Variants in MAP4 observed in about 807,000 individuals in gnomAD.
MAP4 encodes the protein microtubule associated protein 4.
Under a neutral mutation model 170.2 loss-of-function variants are expected in MAP4, and 76 were observed. The ratio of observed to expected loss-of-function variants is 0.45; its 90% confidence interval spans 0.37 to 0.54. The LOEUF (loss-of-function observed/expected upper bound fraction) is 0.54. Among genes scored for constraint, MAP4 ranks in the 20% least tolerant of loss-of-function variants. The pLI is 0.00. For missense variants in MAP4, 2,506 were observed against 2,748.0 expected, an observed-to-expected ratio of 0.91 and a Z score of 1.97; for synonymous variants, 909 against 994.5, an observed-to-expected ratio of 0.91 and a Z score of 1.62.
At chr3:47,869,063 G>A (rs753465218) in intron 16 of MAP4, 151 bp downstream of exon 16, 8 of 638,888 alleles carry the variant, frequency 1.3e-5, no homozygotes, top group African/African-American at 3.7e-5. Flanking sequence ...TCTGATGGCC[G>A]AGTCATCAAG....
chr3:48,048,765 GT>G (rs904384514), intron 1 of MAP4, among the ~76,000 whole-genome samples: 24 of 151,912 alleles, frequency 1.6e-4, no homozygotes, highest in African/African-American at 5.8e-4. Context: ...ATACATAACT[GT>G]TAACTAGACT....
At position 47,998,729 on chromosome 3, in the gene MAP4, T is replaced by A. The variant is rs1030836848; in HGVS notation, c.132A>T (p.Lys44Asn). Reference sequence around the variant, plus strand: ...CATCCAGGAGAGGAATATAGTCTGTTTTTCCAACAGTTTCTCCCACAACAT... The same window carrying A: ...CATCCAGGAGAGGAATATAGTCTGTATTTCCAACAGTTTCTCCCACAACAT... The part of the protein sequence containing the change: ...FDDVVGETVG[K>N]TDYIPLLDVD... The change falls in exon 2 of 21, where the codon AAA (lysine) becomes AAT (asparagine). Residue 44 changes from lysine (K) to asparagine (N), a missense_variant. Transcript: ENST00000683076. 1.2e-6 allele frequency: 2 copies of A among 1,614,118 alleles called. No individual in the cohort carries two copies. Among genetic ancestry groups the A allele is most frequent in the African/African-American group, 2.7e-5 (2 of 75,018 alleles).
intron 18 of MAP4, 85 bp downstream of exon 18, chr3:47,857,346 C>T (rs2058218154): frequency 2.8e-6 from 3 of 1,084,890 alleles, no homozygotes; most frequent in Admixed American, 3.5e-5. Flanking sequence ...GAGATGAAAC[C>T]CTTGCCAGCC....
rs538497304 is a variant in MAP4, at chr3:47,861,666, A to AAAC, written c.6502-4157_6502-4155dup. Among the ~76,000 whole-genome samples the AAAC allele has an allele frequency of 3.4e-3, 515 of 151,406 alleles. 1 individual carries two copies. The highest frequency in any genetic ancestry group is 5.8e-3 in the Non-Finnish European group (390 of 67,808). ...ACGCCCAGCCAAGACTCTGTCTTTA[A>AAAC]AACAACAACAACAACAACAACAACA... On this transcript the variant is annotated intron_variant, in intron 17 of 20. Coordinates refer to ENST00000683076, the MANE Select transcript of MAP4 (RefSeq NM_001385682.1).
At chr3:47,866,375 CA>C (rs560098321) in intron 17 of MAP4, among the ~76,000 whole-genome samples, 1 of 147,542 alleles carries the variant, frequency 6.8e-6, no homozygotes, top group African/African-American at 2.5e-5. Flanking sequence ...AACAAACAAA[CA>C]AAAAAACAGG....
chr3:47,936,789 T>C (rs2100053166), intron 3 of MAP4, among the ~76,000 whole-genome samples: 1 of 151,906 alleles, frequency 6.6e-6, no homozygotes, highest in South Asian at 2.1e-4. Context: ...AAGACCAGCC[T>C]GGCCAACATG....
intron 1 of MAP4, among the ~76,000 whole-genome samples, chr3:48,072,071 C>T (rs1217952052): frequency 6.6e-6 from 1 of 150,532 alleles, no homozygotes; most frequent in African/African-American, 2.5e-5. Context: ...TGGTGACATG[C>T]GCCTATAATC....
In MAP4 at chr3:48,076,234, C is replaced by T. The variant is rs902948871; in HGVS notation, c.-20+12539G>A. On this transcript the variant is annotated intron_variant, in intron 1 of 18. Coordinates refer to the MAP4 transcript ENST00000360240. ...CATCTCAGCCGGGCGCAGTGGCTCA[C>T]GCCTGTAATCCTAGCACTTTGGGAG... 5.9e-5 allele frequency among the ~76,000 whole-genome samples: 9 copies of T among 151,766 alleles called. No homozygotes were observed. The East Asian group carries it at 1.2e-3, about 20-fold the overall frequency.
At chr3:47,899,433 C>T (rs2100028850) in intron 10 of MAP4, among the ~76,000 whole-genome samples, 1 of 152,246 alleles carries the variant, frequency 6.6e-6, no homozygotes, top group Non-Finnish European at 1.5e-5. Context: ...AACCACCGCA[C>T]CCGGCCCCTT....
rs149509429 is a variant in MAP4 at position 48,059,320 on chromosome 3, C to T, written c.-20+29453G>A. Among the ~76,000 whole-genome samples the T allele has an allele frequency of 4.0e-3, 603 of 151,666 alleles. 6 individuals carry two copies. The highest frequency in any genetic ancestry group is 0.014 in the African/African-American group (584 of 41,404). On this transcript the variant is annotated intron_variant, in intron 1 of 18. Transcript: ENST00000360240. Reference sequence around the variant, plus strand: ...GCCTGAGCTCAGTGGTTCGAGACCACCCTGGGCAACATGGTGAAACCCCGT... The same window carrying T: ...GCCTGAGCTCAGTGGTTCGAGACCATCCTGGGCAACATGGTGAAACCCCGT...
At chr3:48,012,039 T>C (rs778529264) in intron 1 of MAP4, among the ~76,000 whole-genome samples, 3 of 152,194 alleles carry the variant, frequency 2.0e-5, no homozygotes, top group Non-Finnish European at 4.4e-5. Flanking sequence ...TTTGGCATGA[T>C]TGATCCCCAT....
chr3:47,903,093 T>C (rs1163221828), intron 9 of MAP4, 93 bp from the exon 10 acceptor site: 8 of 312,656 alleles, frequency 2.6e-5, no homozygotes, highest in Non-Finnish European at 3.7e-5. Flanking sequence ...ACTGTCCCAT[T>C]CACAGTAGCA....
At chr3:48,038,459 CTT>C (rs397989482) in intron 1 of MAP4, among the ~76,000 whole-genome samples, 10 of 121,942 alleles carry the variant, frequency 8.2e-5, no homozygotes, top group African/African-American at 1.2e-4. Flanking sequence ...TGCACTGAAA[CTT>C]TTTTTTTTTT....
intron 3 of MAP4, among the ~76,000 whole-genome samples, chr3:47,944,971 T>A (rs1167209802): frequency 6.8e-6 from 1 of 147,700 alleles, no homozygotes; most frequent in Non-Finnish European, 1.5e-5. Flanking sequence ...TTTTTTGAGA[T>A]ACATGCTAAT....
chr3:47,993,622 A>G (rs756110819), intron 2 of MAP4, among the ~76,000 whole-genome samples: 1 of 152,240 alleles, frequency 6.6e-6, no homozygotes, highest in Non-Finnish European at 1.5e-5. Flanking sequence ...AAGTGGGATC[A>G]AGATCCTGAA....
intron 1 of MAP4, among the ~76,000 whole-genome samples, chr3:48,078,252 C>T (rs2154568871): frequency 6.6e-6 from 1 of 152,068 alleles, no homozygotes; most frequent in South Asian, 2.1e-4. Flanking sequence ...GTGAATGATC[C>T]TCCCACCTCA....
At chr3:48,071,133 A>G (rs1038770901) in intron 1 of MAP4, among the ~76,000 whole-genome samples, 1 of 152,166 alleles carries the variant, frequency 6.6e-6, no homozygotes, top group Non-Finnish European at 1.5e-5. Flanking sequence ...CAAAAATATA[A>G]CAAACAAATG....
chr3:47,951,439 C>A (rs1037574036), intron 3 of MAP4, among the ~76,000 whole-genome samples: 1 of 152,210 alleles, frequency 6.6e-6, no homozygotes, highest in Non-Finnish European at 1.5e-5. Context: ...CGGCTCACTG[C>A]AACCTCCCTG....
At chr3:47,988,510 A>T (rs2154334812) in intron 2 of MAP4, among the ~76,000 whole-genome samples, 1 of 152,284 alleles carries the variant, frequency 6.6e-6, no homozygotes, top group East Asian at 1.9e-4. Context: ...ATTTATGAAT[A>T]TGACTTATGA....
Sources: gnomAD v4.1 joint callset for allele counts (sites outside exome capture counted in the v4.1 genomes callset) on GRCh38, gnomAD v4.1.1 for gene constraint, MANE v1.5 for transcripts, NCBI Gene and HGNC (gene_info 2026-07-23, HGNC 2026-07-21) for gene names.